Variants in ZFX observed in about 807,000 individuals in gnomAD.
The protein encoded by ZFX is zinc finger protein X-linked.
For missense variants in ZFX, 362 were observed against 628.3 expected, an observed-to-expected ratio of 0.58 and a Z score of 4.53; for synonymous variants, 196 against 226.8, an observed-to-expected ratio of 0.86 and a Z score of 1.22.
intron 3 of ZFX, among the ~76,000 whole-genome samples, chrX:24,166,018 C>T (rs977033919): frequency 1.8e-5 from 2 of 112,443 alleles, no homozygotes; most frequent in South Asian, 7.3e-4. Flanking sequence ...GGAGGCTGTA[C>T]TGCTTTAAAT....
At chrX:24,180,243 AG>A (rs1173424508) in intron 5 of ZFX, among the ~76,000 whole-genome samples, 1 of 110,737 alleles carries the variant, frequency 9.0e-6, no homozygotes. Context: ...AAAAAAAAAA[AG>A]CTGAAACAAA....
intron 4 of ZFX, among the ~76,000 whole-genome samples, chrX:24,173,233 A>G (rs1045711085): frequency 2.3e-4 from 26 of 112,003 alleles, no homozygotes; most frequent in Admixed American, 6.7e-4. Context: ...TTAGTCTGGA[A>G]ATAACTTTTG....
chrX:24,206,061 A>G (rs1937564190), intron 5 of ZFX, among the ~76,000 whole-genome samples: 1 of 110,351 alleles, frequency 9.1e-6, no homozygotes, highest in Non-Finnish European at 1.9e-5. Context: ...ATATGAGAAT[A>G]TGTTTAAATT....
At position 24,210,806 on chromosome X, in the gene ZFX, T is replaced by A; in HGVS notation, c.1848T>A (p.Asp616Glu). The A allele has an allele frequency of 8.3e-7, 1 of 1,212,077 alleles. No homozygotes were observed. Among genetic ancestry groups the A allele is most frequent in the Non-Finnish European group, 1.1e-6 (1 of 895,626 alleles). Reference sequence around the variant, plus strand: ...ACATTTGTCTTCTGACTTTCTCGGATACCAAAGAGGTGCAGCAACATGCTC... The same window carrying A: ...ACATTTGTCTTCTGACTTTCTCGGAAACCAAAGAGGTGCAGCAACATGCTC... ...KCDICLLTFS[D>E]TKEVQQHALI... Residue 616 changes from aspartate to glutamate, a missense_variant, in exon 10 of 10, where the codon GAT (aspartate) becomes GAA (glutamate). Physicochemically the swap from Asp to Glu is conservative, Grantham distance 45. Transcript: ENST00000304543.
chrX:24,202,640 C>A (rs991558982), intron 5 of ZFX, among the ~76,000 whole-genome samples: 6 of 111,747 alleles, frequency 5.4e-5, no homozygotes, highest in Non-Finnish European at 9.4e-5. Flanking sequence ...ATGAACTACT[C>A]TTGCCCCTCC....
rs770714295 is a variant in ZFX at position 24,210,736 on chromosome X, C to T, written c.1778C>T (p.Thr593Met). The T allele has an allele frequency of 9.1e-6, 11 of 1,209,629 alleles. No homozygotes were observed. Among genetic ancestry groups the T allele is most frequent in the Non-Finnish European group, 4.5e-6 (4 of 895,225 alleles). ...YRSADSSNLK[T>M]HVKTKHSKEM... is the part of the protein sequence containing the mutation. ...TCTGCAGACTCTTCTAACTTGAAAA[C>T]GCATGTCAAAACTAAGCATAGTAAA... Residue 593 changes from threonine to methionine, a missense_variant, in exon 10 of 10, where the codon ACG (threonine) becomes ATG (methionine). By Grantham distance (81) the Thr-to-Met change is moderately conservative. Coordinates refer to ENST00000304543, the MANE Select transcript of ZFX (RefSeq NM_003410.4).
Position 24,210,887 on chromosome X carries a change from G to T in ZFX, c.1929G>T (p.Ser643=). The T allele has an allele frequency of 8.3e-7, 1 of 1,210,000 alleles. No homozygotes were observed. Among genetic ancestry groups the T allele is most frequent in the Non-Finnish European group, 1.1e-6 (1 of 895,106 alleles). Residue 643 remains serine (S), a synonymous_variant, in exon 10 of 10, where the codon TCG becomes TCT. Transcript: ENST00000304543. The part of the protein sequence containing the change: ...HQCLHCDHKS[S]NSSDLKRHII... ...GTTTGCATTGCGACCACAAGAGTTC[G>T]AACTCAAGTGATTTGAAACGACACA...
chrX:24,186,671 A>T (rs1016946311), intron 5 of ZFX, among the ~76,000 whole-genome samples: 2 of 111,355 alleles, frequency 1.8e-5, no homozygotes, highest in Admixed American at 1.9e-4. Context: ...ACAATAAATG[A>T]TGATGAAGCA....
intron 3 of ZFX, among the ~76,000 whole-genome samples, chrX:24,169,999 G>A (rs1239855631): frequency 9.0e-6 from 1 of 111,006 alleles, no homozygotes; most frequent in Non-Finnish European, 1.9e-5. Context: ...TGAATGCCAA[G>A]AAAAGTTGTT....
At position 24,213,907 on chromosome X, in the gene ZFX, A is replaced by G. The variant is rs191566606; in HGVS notation, c.*2531A>G. ...ATATAAATGATTGGGTCATTTAACTATATTTTTTTAAATAAACTGAAAGAT... is the reference window on the plus strand; with the variant it reads ...ATATAAATGATTGGGTCATTTAACTGTATTTTTTTAAATAAACTGAAAGAT... On this transcript the variant is annotated 3_prime_UTR_variant, in exon 10 of 10. Transcript: ENST00000304543. 1.8e-5 allele frequency: 2 copies of G among 110,930 alleles called. No individual in the cohort carries two copies. Among genetic ancestry groups the G allele is most frequent in the East Asian group, 2.8e-4 (1 of 3,572 alleles). The allele number at this position is 110,930 out of a possible 1,213,427, so 9.1% of individuals were successfully genotyped here.
At chrX:24,201,740 G>A (rs1348762970) in intron 5 of ZFX, among the ~76,000 whole-genome samples, 1 of 112,202 alleles carries the variant, frequency 8.9e-6, no homozygotes, top group East Asian at 2.8e-4. Flanking sequence ...TTGAAAAAGG[G>A]TAAGTACATA....
At chrX:24,199,959 A>G (rs1038388317) in intron 5 of ZFX, among the ~76,000 whole-genome samples, 1 of 110,039 alleles carries the variant, frequency 9.1e-6, no homozygotes, top group African/African-American at 3.3e-5. Context: ...AGCAGGGGAG[A>G]AAGAATGGCT....
intron 3 of ZFX, among the ~76,000 whole-genome samples, chrX:24,159,805 A>G (rs1358789063): frequency 8.9e-6 from 1 of 111,834 alleles, no homozygotes; most frequent in Non-Finnish European, 1.9e-5. Context: ...TCTTAAAAGT[A>G]AGAACCCATC....
chrX:24,206,930 G>A (rs1168932169), intron 5 of ZFX, among the ~76,000 whole-genome samples: 2 of 110,884 alleles, frequency 1.8e-5, no homozygotes, highest in Non-Finnish European at 3.8e-5. Context: ...TCAAGTTAGA[G>A]ATTATATTTG....
Position 24,205,156 on chromosome X carries a change from G to T in ZFX, c.647-2170G>T, listed in dbSNP as rs142550177. On this transcript the variant is annotated intron_variant, in intron 5 of 9. Coordinates refer to ENST00000304543, the MANE Select transcript of ZFX (RefSeq NM_003410.4). ...AAGGCTTGTTGTTGCAGGTATTACAGACAAGCTCAATGAGCCTTCTTTTCT... is the reference window on the plus strand; with the variant it reads ...AAGGCTTGTTGTTGCAGGTATTACATACAAGCTCAATGAGCCTTCTTTTCT... 8.9e-3 allele frequency among the ~76,000 whole-genome samples: 1,000 copies of T among 112,330 alleles called. 11 individuals carry two copies. The highest frequency in any genetic ancestry group is 0.03 in the African/African-American group (940 of 30,933).
At chrX:24,189,311 T>G (rs934739545) in intron 5 of ZFX, among the ~76,000 whole-genome samples, 3 of 111,857 alleles carry the variant, frequency 2.7e-5, no homozygotes, top group African/African-American at 9.7e-5. Context: ...GAGGAGCAGA[T>G]GGACATGCTA....
At chrX:24,183,976 C>T (rs1215696230) in intron 5 of ZFX, among the ~76,000 whole-genome samples, 2 of 110,257 alleles carry the variant, frequency 1.8e-5, no homozygotes, top group East Asian at 2.9e-4. Flanking sequence ...AGGCTGATCT[C>T]GATCGAACTC....
chrX:24,208,904 T>A lies in ZFX; in HGVS notation c.1098T>A (p.Asn366Lys). The A allele has an allele frequency of 5.0e-6, 6 of 1,211,599 alleles. No individual in the cohort carries two copies. The highest frequency in any genetic ancestry group is 6.7e-6 in the Non-Finnish European group (6 of 895,315). ...TTTTTTAATACACATTGTTAGGTAATAATTCTGATGGAATTGAAAACCGGA... is the reference window on the plus strand; with the variant it reads ...TTTTTTAATACACATTGTTAGGTAAAAATTCTGATGGAATTGAAAACCGGA... ...MPIAWAAAYG[N>K]NSDGIENRNG... is the part of the protein sequence containing the mutation. Residue 366 changes from asparagine (N) to lysine (K), a missense_variant, in exon 9 of 10, where the codon AAT (asparagine) becomes AAA (lysine). Physicochemically the swap from Asn to Lys is moderately conservative, Grantham distance 94. Coordinates refer to ENST00000304543, the MANE Select transcript of ZFX (RefSeq NM_003410.4).
chrX:24,191,438 AGGAAGGTCTAAGAGT>A (rs1936517430), intron 5 of ZFX, among the ~76,000 whole-genome samples: 2 of 111,815 alleles, frequency 1.8e-5, no homozygotes, highest in South Asian at 7.4e-4. Flanking sequence ...AAGTTAAGAG[AGGAAGGTCTAAGAGT>A]GAAATTTAAA....
Sources: gnomAD v4.1 joint callset for allele counts (sites outside exome capture counted in the v4.1 genomes callset) on GRCh38, gnomAD v4.1.1 for gene constraint, MANE v1.5 for transcripts, NCBI Gene and HGNC (gene_info 2026-07-23, HGNC 2026-07-21) for gene names.